Variants in SLC24A3 observed in about 807,000 individuals in gnomAD.
The protein encoded by SLC24A3 is sodium/potassium/calcium exchanger 3.
A neutral mutation model predicts 75.8 loss-of-function variants in SLC24A3; 28 were observed. That is an observed-to-expected ratio of 0.37 (90% confidence interval 0.27 to 0.51). The LOEUF (loss-of-function observed/expected upper bound fraction) is 0.51. SLC24A3 is among the 20% of genes least tolerant of loss of function. The pLI is 0.94. For missense variants in SLC24A3, 663 were observed against 847.8 expected (o/e 0.78, Z 2.71); for synonymous variants, 372 against 334.1 (o/e 1.11, Z -1.24).
chr20:19,258,247 A>G (rs569082611), intron 1 of SLC24A3, among the ~76,000 whole-genome samples: 2 of 152,286 alleles, frequency 1.3e-5, no homozygotes, highest in East Asian at 1.9e-4. Context: ...TTCCCACCCC[A>G]TGAGCTCTTC....
At chr20:19,449,222 G>A (rs1158812582) in intron 2 of SLC24A3, among the ~76,000 whole-genome samples, 4 of 152,166 alleles carry the variant, frequency 2.6e-5, no homozygotes, top group Non-Finnish European at 5.9e-5. Context: ...CCGATCCTTG[G>A]TGGCTGAGGG....
intron 2 of SLC24A3, among the ~76,000 whole-genome samples, chr20:19,410,196 T>C (rs551366287): frequency 6.6e-6 from 1 of 152,142 alleles, no homozygotes; most frequent in East Asian, 1.9e-4. Context: ...TTTATCAAAC[T>C]CCTCATTAGA....
intron 9 of SLC24A3, among the ~76,000 whole-genome samples, chr20:19,675,721 T>C (rs1242543520): frequency 1.3e-5 from 2 of 152,158 alleles, no homozygotes; most frequent in African/African-American, 4.8e-5. Context: ...CATTTAAAAA[T>C]ACCAATAGAT....
intron 2 of SLC24A3, among the ~76,000 whole-genome samples, chr20:19,334,024 T>C (rs895627159): frequency 1.4e-5 from 2 of 140,404 alleles, no homozygotes; most frequent in African/African-American, 5.8e-5. Context: ...GTGCATTATA[T>C]CAGAAGAAAA....
At chr20:19,448,000 G>A (rs896344896) in intron 2 of SLC24A3, among the ~76,000 whole-genome samples, 2 of 152,196 alleles carry the variant, frequency 1.3e-5, no homozygotes, top group Admixed American at 6.5e-5. Context: ...GACTTTCATC[G>A]TTTCATGAAC....
chr20:19,454,812 C>A (rs570594471), intron 2 of SLC24A3, among the ~76,000 whole-genome samples: 48 of 152,266 alleles, frequency 3.2e-4, no homozygotes, highest in African/African-American at 1.0e-3. Flanking sequence ...CCAGAACCAA[C>A]AATGTAAGTG....
intron 1 of SLC24A3, among the ~76,000 whole-genome samples, chr20:19,219,402 G>A (rs1981648403): frequency 6.6e-6 from 1 of 152,166 alleles, no homozygotes; most frequent in African/African-American, 2.4e-5. Context: ...TCAACAAATG[G>A]CAGGCTCTTT....
chr20:19,254,648 G>C (rs1453628092), intron 1 of SLC24A3, among the ~76,000 whole-genome samples: 2 of 152,218 alleles, frequency 1.3e-5, no homozygotes, highest in African/African-American at 4.8e-5. Context: ...CATGCCTCTA[G>C]TGTGGGAAAT....
At chr20:19,334,140 C>T (rs899078470) in intron 2 of SLC24A3, among the ~76,000 whole-genome samples, 2 of 151,796 alleles carry the variant, frequency 1.3e-5, no homozygotes, top group African/African-American at 4.8e-5. Flanking sequence ...AATGGGTGGT[C>T]GTTGTCTCCG....
chr20:19,496,434 G>A (rs1283354608), intron 2 of SLC24A3, among the ~76,000 whole-genome samples: 1 of 152,166 alleles, frequency 6.6e-6, no homozygotes, highest in East Asian at 1.9e-4. Context: ...AGGGATGTGG[G>A]GAACAAGTTG....
intron 7 of SLC24A3, among the ~76,000 whole-genome samples, chr20:19,657,012 C>T: frequency 6.6e-6 from 1 of 152,218 alleles, no homozygotes; most frequent in Non-Finnish European, 1.5e-5. Context: ...CATCTGCCCT[C>T]AGGGTGCAGC....
chr20:19,349,572 C>T (rs956042612), intron 2 of SLC24A3, among the ~76,000 whole-genome samples: 2 of 152,152 alleles, frequency 1.3e-5, no homozygotes, highest in African/African-American at 4.8e-5. Flanking sequence ...ACTGATGAGT[C>T]AGTGTGTAAA....
intron 15 of SLC24A3, among the ~76,000 whole-genome samples, chr20:19,707,791 T>G (rs1037609961): frequency 2.0e-5 from 3 of 152,238 alleles, no homozygotes; most frequent in Admixed American, 1.3e-4. Context: ...GGAACACATT[T>G]AAGATGACAT....
chr20:19,671,350 A>G (rs1030248408), intron 8 of SLC24A3, among the ~76,000 whole-genome samples: 1 of 152,242 alleles, frequency 6.6e-6, no homozygotes, highest in African/African-American at 2.4e-5. Context: ...AGGAAAAAGG[A>G]AACTTTCATT....
At chr20:19,463,561 G>A (rs1987714617) in intron 2 of SLC24A3, among the ~76,000 whole-genome samples, 2 of 152,220 alleles carry the variant, frequency 1.3e-5, no homozygotes, top group African/African-American at 4.8e-5. Flanking sequence ...GTTGTCCTAG[G>A]ATGTGGATAG....
intron 3 of SLC24A3, among the ~76,000 whole-genome samples, chr20:19,524,886 A>G (rs1050741005): frequency 4.6e-5 from 7 of 152,194 alleles, no homozygotes; most frequent in Non-Finnish European, 1.0e-4. Flanking sequence ...GGCTTAAAGA[A>G]CTAGTCTTAG....
Position 19,684,183 on chromosome 20 carries a change from C to T in SLC24A3, c.909C>T (p.Phe303=). ...TGTTTTTCGTTTCCCTAGCAAATTTCCACCGCAAAGCATCAGTGATCATGG... is the reference window on the plus strand; with the variant it reads ...TGTTTTTCGTTTCCCTAGCAAATTTTCACCGCAAAGCATCAGTGATCATGG... ...ATVVLLKKAN[F]HRKASVIMVD... is the part of the protein sequence containing the mutation. Residue 303 remains phenylalanine (F), a synonymous_variant, in exon 11 of 17, where the codon TTC becomes TTT. Transcript: ENST00000328041. 1 of 1,612,498 alleles carries T rather than the reference C, an allele frequency of 6.2e-7. No individual in the cohort carries two copies. Among genetic ancestry groups the T allele is most frequent in the Non-Finnish European group, 8.5e-7 (1 of 1,178,716 alleles).
At chr20:19,281,513 G>C (rs1335239342) in intron 2 of SLC24A3, among the ~76,000 whole-genome samples, 2 of 152,170 alleles carry the variant, frequency 1.3e-5, no homozygotes, top group Admixed American at 6.5e-5. Context: ...CGTCACTCAC[G>C]ATGTTGAACT....
At chr20:19,401,050 C>T (rs563878504) in intron 2 of SLC24A3, among the ~76,000 whole-genome samples, 10 of 152,188 alleles carry the variant, frequency 6.6e-5, no homozygotes, top group Non-Finnish European at 7.4e-5. Flanking sequence ...AGTTGCTCAA[C>T]GTAAAGTGCT....
Sources: gnomAD v4.1 joint callset for allele counts (sites outside exome capture counted in the v4.1 genomes callset) on GRCh38, gnomAD v4.1.1 for gene constraint, MANE v1.5 for transcripts, NCBI Gene and HGNC (gene_info 2026-07-23, HGNC 2026-07-21) for gene names.